Variants in PEX7 observed in about 807,000 individuals in gnomAD.
The protein encoded by PEX7 is peroxisomal biogenesis factor 7, also known as PTS2 receptor.
PEX7 carries 34 observed loss-of-function variants against 47.5 expected under a neutral mutation model. The ratio of observed to expected loss-of-function variants is 0.72; its 90% confidence interval spans 0.54 to 0.95. The LOEUF is 0.95. Among genes scored for constraint, PEX7 ranks in the 40% least tolerant of loss-of-function variants. The pLI is 0.00. For missense variants in PEX7, 394 were observed against 400.3 expected, an observed-to-expected ratio of 0.98 and a Z score of 0.13; for synonymous variants, 141 against 148.8, an observed-to-expected ratio of 0.95 and a Z score of 0.38.
At position 136,886,551 on chromosome 6, in the gene PEX7, G is replaced by A. The variant is rs180754382; in HGVS notation, c.804-11591G>A. Among the ~76,000 whole-genome samples the A allele has an allele frequency of 5.8e-3, 877 of 152,252 alleles. 14 individuals carry two copies. Among genetic ancestry groups the A allele is most frequent in the African/African-American group, 0.02 (826 of 41,544 alleles). On this transcript the variant is annotated intron_variant, in intron 8 of 9. Transcript: ENST00000318471. The stretch of plus-strand genomic sequence containing the variant: ...TTAAAATGTAAGTACTTTAGGGAGA[G>A]CTAGATATTAATCATTCATGCCTTA...
chr6:136,873,833 G>C (rs550452055), intron 8 of PEX7, among the ~76,000 whole-genome samples: 2 of 152,046 alleles, frequency 1.3e-5, no homozygotes, highest in South Asian at 4.2e-4. Flanking sequence ...TTTTAATTAG[G>C]AATGGGTCTT....
intron 9 of PEX7, among the ~76,000 whole-genome samples, chr6:136,907,925 A>G (rs1196506349): frequency 6.6e-6 from 1 of 152,164 alleles, no homozygotes; most frequent in Non-Finnish European, 1.5e-5. Flanking sequence ...TCTATAATAC[A>G]TATGATTTGA....
At position 136,898,134 on chromosome 6, in the gene PEX7, C is replaced by G. The variant is rs2115272911; in HGVS notation, c.804-8C>G. On this transcript the variant is annotated splice_polypyrimidine_tract_variant and splice_region_variant and intron_variant, in intron 8 of 9. Transcript: ENST00000318471. ...ATTTAAATTATTCCCTTTTATTTAT[C>G]TTCACAGATTCTGGAACTTTTCAAA... 1 of 1,530,542 alleles carries G rather than the reference C, an allele frequency of 6.5e-7. No homozygotes were observed. The highest frequency in any genetic ancestry group is 1.4e-5 in the African/African-American group (1 of 73,312). The allele number at this position is 1,530,542 out of a possible 1,614,324, so 94.8% of individuals were successfully genotyped here. A position where few individuals can be genotyped will look rare whatever the true frequency, so the allele number is the denominator to read the frequency against.
chr6:136,839,853 G>A (rs1161904612), intron 3 of PEX7, among the ~76,000 whole-genome samples: 1 of 152,178 alleles, frequency 6.6e-6, no homozygotes, highest in Non-Finnish European at 1.5e-5. Flanking sequence ...TTACCCTCCT[G>A]GGGTCCTTGC....
At chr6:136,901,093 T>G (rs113292149) in intron 9 of PEX7, 2 of 170,408 alleles carry the variant, frequency 1.2e-5, no homozygotes, top group East Asian at 3.3e-4. Context: ...CACCACTTTC[T>G]TGGCCTGTTG....
Position 136,848,130 on chromosome 6 carries a change from G to T in PEX7, c.526+1949G>T, listed in dbSNP as rs149019218. Among the ~76,000 whole-genome samples the T allele has an allele frequency of 3.1e-3, 474 of 152,226 alleles. 9 individuals carry two copies. In the South Asian group the frequency reaches 0.034, roughly 11 times the overall value. On this transcript the variant is annotated intron_variant, in intron 5 of 9. Transcript: ENST00000318471. ...CAATTGTGAATGGGAGTTCACTCAT[G>T]ATTTGGCTCTCTTTTTGTCTGTTAT...
At chr6:136,832,627 T>G (rs1293823270) in intron 3 of PEX7, among the ~76,000 whole-genome samples, 1 of 152,218 alleles carries the variant, frequency 6.6e-6, no homozygotes, top group Non-Finnish European at 1.5e-5. Context: ...TCAAATAATC[T>G]CTTCATGAAT....
chr6:136,912,714 AT>A (rs1175852969), intron 9 of PEX7, among the ~76,000 whole-genome samples: 1 of 152,206 alleles, frequency 6.6e-6, no homozygotes, highest in Non-Finnish European at 1.5e-5. Context: ...TTCCACATAA[AT>A]TTTAAAAATT....
At chr6:136,843,042 CTTGA>C (rs1332576360) in intron 3 of PEX7, among the ~76,000 whole-genome samples, 1 of 152,176 alleles carries the variant, frequency 6.6e-6, no homozygotes, top group East Asian at 1.9e-4. Flanking sequence ...GCTTTAGTTC[CTTGA>C]TATCATGGCT....
chr6:136,840,220 A>G (rs530404224), intron 3 of PEX7, among the ~76,000 whole-genome samples: 1 of 152,318 alleles, frequency 6.6e-6, no homozygotes, highest in South Asian at 2.1e-4. Context: ...TTGAACACAC[A>G]TATTCACCAT....
chr6:136,856,217 C>T (rs1582751252), intron 5 of PEX7, among the ~76,000 whole-genome samples: 4 of 144,336 alleles, frequency 2.8e-5, no homozygotes. Flanking sequence ...TGTTTCATTA[C>T]ATTACCTTCA....
intron 3 of PEX7, among the ~76,000 whole-genome samples, chr6:136,832,418 A>T (rs1218277420): frequency 1.3e-5 from 2 of 152,366 alleles, no homozygotes; most frequent in East Asian, 3.9e-4. Context: ...GGGCTTCTGC[A>T]AATGTCTCTG....
chr6:136,823,284 T>C, intron 1 of PEX7: 3 of 985,458 alleles, frequency 3.0e-6, no homozygotes, highest in Non-Finnish European at 3.6e-6. Context: ...ACGATGCTCC[T>C]GAATGGACGC....
chr6:136,897,317 G>A (rs1056855131), intron 8 of PEX7, among the ~76,000 whole-genome samples: 1 of 152,162 alleles, frequency 6.6e-6, no homozygotes, highest in African/African-American at 2.4e-5. Flanking sequence ...TCCTGAATGT[G>A]CCTGCCATTT....
At chr6:136,887,353 G>A (rs1775483571) in intron 8 of PEX7, among the ~76,000 whole-genome samples, 2 of 152,012 alleles carry the variant, frequency 1.3e-5, no homozygotes, top group South Asian at 4.1e-4. Context: ...GTCATAAGAT[G>A]TACTGCTACG....
At chr6:136,889,157 T>G (rs1775515865) in intron 8 of PEX7, among the ~76,000 whole-genome samples, 1 of 151,988 alleles carries the variant, frequency 6.6e-6, no homozygotes, top group African/African-American at 2.4e-5. Context: ...CCCGAAAGAG[T>G]TTTTCCATTT....
chr6:136,879,029 A>G (rs1298962395), intron 8 of PEX7, among the ~76,000 whole-genome samples: 3 of 151,828 alleles, frequency 2.0e-5, no homozygotes, highest in Admixed American at 6.6e-5. Flanking sequence ...GTGAAATCCC[A>G]CCTATTTCTT....
rs62653606 is a variant in PEX7 at position 136,845,643 on chromosome 6, GAGGTGAACAGCTTGTGGTGTCTGGCTC to G, written c.370_396del (p.Gly124_Ser132del). On this transcript the variant is annotated inframe_deletion, in exon 4 of 10. Transcript: ENST00000318471. ...TATAGTGTTGATTGGAGCCAAACCAGAGGTGAACAGCTTGTGGTGTCTGGCTCATGGGATCAAACTGTCAAATTGGTA... is the reference window on the plus strand; with the variant it reads ...TATAGTGTTGATTGGAGCCAAACCAGATGGGATCAAACTGTCAAATTGGTA... The G allele has an allele frequency of 6.2e-7, 1 of 1,611,136 alleles. No individual in the cohort carries two copies. Among genetic ancestry groups the G allele is most frequent in the Non-Finnish European group, 8.5e-7 (1 of 1,177,316 alleles).
chr6:136,898,264 ATTCTC>A, intron 9 of PEX7, 23 bp downstream of exon 9: 1 of 1,369,072 alleles, frequency 7.3e-7, no homozygotes, highest in South Asian at 1.2e-5. Flanking sequence ...ATCTCATGAT[ATTCTC>A]TTCTGCCCAA....
Sources: allele counts gnomAD v4.1 joint callset (sites outside exome capture counted in the v4.1 genomes callset), GRCh38; gene constraint gnomAD v4.1.1; transcripts MANE v1.5; gene names NCBI Gene and HGNC (gene_info 2026-07-23, HGNC 2026-07-21).